Variants in ZDHHC20 observed in about 807,000 individuals in gnomAD.
The protein encoded by ZDHHC20 is zDHHC palmitoyltransferase 20, also known as palmitoyltransferase ZDHHC20.
A neutral mutation model predicts 57.8 loss-of-function variants in ZDHHC20; 43 were observed. That is an observed-to-expected ratio of 0.74 (90% confidence interval 0.58 to 0.96). The LOEUF (loss-of-function observed/expected upper bound fraction) is 0.96, where lower values mean the gene tolerates loss of function less well. Ranked by LOEUF, ZDHHC20 falls within the 40% of genes least tolerant of loss-of-function variation. The probability of loss-of-function intolerance (pLI) is 0.00; values close to 1 mark genes in which losing one functional copy is unlikely to be tolerated. For missense variants in ZDHHC20, 391 were observed against 441.1 expected (o/e 0.89, Z 1.02); for synonymous variants, 157 against 153.0 (o/e 1.03, Z -0.19).
Position 21,437,579 on chromosome 13 carries a change from C to T in ZDHHC20, c.119-11901G>A, listed in dbSNP as rs569872692. ...TAAGTTGAAGCCAATGCTCATTTAC[C>T]GTTCCAAAAACCCTAGGGCTCTGAA... On this transcript the variant is annotated intron_variant, in intron 1 of 12. Coordinates refer to ENST00000400590, the MANE Select transcript of ZDHHC20 (RefSeq NM_001330059.2). Among the ~76,000 whole-genome samples the T allele has an allele frequency of 7.2e-5, 11 of 152,308 alleles. No individual in the cohort carries two copies. The East Asian group carries it at 1.5e-3, about 21-fold the overall frequency.
rs112611044 is a variant in ZDHHC20 at position 21,409,901 on chromosome 13, A to G, written c.370+3751T>C. ...TACTTCTGTCAATCTGTCAAACTCAATCTCGGTCCAGTTTTGTTCCCTTGC... is the reference window on the plus strand; with the variant it reads ...TACTTCTGTCAATCTGTCAAACTCAGTCTCGGTCCAGTTTTGTTCCCTTGC... On this transcript the variant is annotated intron_variant, in intron 4 of 12. Coordinates refer to ENST00000400590, the MANE Select transcript of ZDHHC20 (RefSeq NM_001330059.2). 1.2e-3 allele frequency among the ~76,000 whole-genome samples: 178 copies of G among 152,194 alleles called. 1 individual carries two copies. The highest frequency in any genetic ancestry group is 6.8e-3 in the Middle Eastern group (2 of 294).
intron 7 of ZDHHC20, among the ~76,000 whole-genome samples, chr13:21,398,682 A>G (rs1229666879): frequency 6.6e-6 from 1 of 152,222 alleles, no homozygotes; most frequent in Admixed American, 6.5e-5. Context: ...TTGGAAACTG[A>G]TAAGATTTGT....
intron 1 of ZDHHC20, among the ~76,000 whole-genome samples, chr13:21,443,935 G>A (rs1261323693): frequency 6.6e-6 from 1 of 152,196 alleles, no homozygotes; most frequent in African/African-American, 2.4e-5. Flanking sequence ...GGCCAAGGCA[G>A]GAGGACCACC....
chr13:21,457,241 G>A (rs1246375983), intron 1 of ZDHHC20, among the ~76,000 whole-genome samples: 3 of 152,066 alleles, frequency 2.0e-5, no homozygotes, highest in Non-Finnish European at 4.4e-5. Context: ...GTTAAGCTGT[G>A]GAATCTCAAC....
At chr13:21,419,855 AT>A (rs1880442131) in intron 3 of ZDHHC20, among the ~76,000 whole-genome samples, 1 of 152,244 alleles carries the variant, frequency 6.6e-6, no homozygotes, top group Non-Finnish European at 1.5e-5. Flanking sequence ...GCAAAGTTAA[AT>A]AGAAGTTGAT....
intron 4 of ZDHHC20, chr13:21,404,342 C>T (rs773291854): frequency 4.0e-6 from 2 of 498,182 alleles, no homozygotes; most frequent in Non-Finnish European, 4.0e-6. Flanking sequence ...CTGCATGAGG[C>T]CTAGTTCATA....
In ZDHHC20 at chr13:21,398,738, GAAATGA is replaced by G. The variant is rs1483040903; in HGVS notation, c.594+1629_594+1634del. Among the ~76,000 whole-genome samples, 6 of 152,334 alleles carry G rather than the reference GAAATGA, an allele frequency of 3.9e-5. No homozygotes were observed. The East Asian group carries it at 1.2e-3, about 29-fold the overall frequency. On this transcript the variant is annotated intron_variant, in intron 7 of 12. Coordinates refer to ENST00000400590, the MANE Select transcript of ZDHHC20 (RefSeq NM_001330059.2). ...ATCAGATAAACATAGAAAGAACAGT[GAAATGA>G]AAATGAGGTTGGTTTGAGACGTGCT...
At chr13:21,398,369 C>T in intron 7 of ZDHHC20, among the ~76,000 whole-genome samples, 1 of 151,534 alleles carries the variant, frequency 6.6e-6, no homozygotes, top group East Asian at 1.9e-4. Flanking sequence ...GAGGCTGAGG[C>T]AGCAGAATGG....
intron 1 of ZDHHC20, among the ~76,000 whole-genome samples, chr13:21,444,428 T>A (rs970166085): frequency 2.0e-5 from 3 of 152,142 alleles, no homozygotes; most frequent in African/African-American, 7.2e-5. Flanking sequence ...CTGCAATAAT[T>A]TAAAGGCACT....
At chr13:21,428,369 C>A (rs925580798) in intron 1 of ZDHHC20, among the ~76,000 whole-genome samples, 3 of 151,532 alleles carry the variant, frequency 2.0e-5, no homozygotes, top group Non-Finnish European at 4.4e-5. Flanking sequence ...TACAGGTGCA[C>A]GCCACCATGC....
intron 1 of ZDHHC20, 70 bp downstream of exon 1, chr13:21,458,984 G>A: frequency 2.5e-6 from 3 of 1,195,130 alleles, no homozygotes; most frequent in South Asian, 3.1e-5. Flanking sequence ...GCGGGTGTGG[G>A]GCGCAGAGGC....
At chr13:21,458,824 C>G (rs913751837) in intron 1 of ZDHHC20, among the ~76,000 whole-genome samples, 4 of 152,208 alleles carry the variant, frequency 2.6e-5, no homozygotes, top group African/African-American at 4.8e-5. Context: ...CAGACCTGCA[C>G]CCGGGAAGCC....
At chr13:21,413,824 A>G in intron 3 of ZDHHC20, 52 bp from the exon 4 acceptor site, 1 of 1,485,558 alleles carries the variant, frequency 6.7e-7, no homozygotes, top group Non-Finnish European at 9.1e-7. Context: ...GATGTTAATT[A>G]TCATGCTCAG....
At chr13:21,427,021 A>G (rs2137933896) in intron 1 of ZDHHC20, among the ~76,000 whole-genome samples, 1 of 151,568 alleles carries the variant, frequency 6.6e-6, no homozygotes, top group South Asian at 2.1e-4. Flanking sequence ...TTGTCTATTC[A>G]CCCTTCAAGG....
chr13:21,404,764 A>C (rs1395908671), intron 4 of ZDHHC20, among the ~76,000 whole-genome samples: 1 of 152,086 alleles, frequency 6.6e-6, no homozygotes, highest in Non-Finnish European at 1.5e-5. Context: ...AAAAAAAAAA[A>C]AAAAGCAAGT....
At chr13:21,400,344 CAT>C in intron 7 of ZDHHC20, 27 bp downstream of exon 7, 2 of 1,549,008 alleles carry the variant, frequency 1.3e-6, no homozygotes, top group Admixed American at 4.5e-5. Flanking sequence ...GTCTTAAATA[CAT>C]GTTTCAAGAT....
chr13:21,435,366 T>C (rs945162890), intron 1 of ZDHHC20, among the ~76,000 whole-genome samples: 1 of 152,118 alleles, frequency 6.6e-6, no homozygotes, highest in Admixed American at 6.6e-5. Flanking sequence ...TTGGTCCCTG[T>C]TGAAATGACC....
intron 1 of ZDHHC20, among the ~76,000 whole-genome samples, chr13:21,440,468 A>G (rs185144449): frequency 6.6e-6 from 1 of 152,110 alleles, no homozygotes; most frequent in East Asian, 1.9e-4. Flanking sequence ...AAAATTAGCC[A>G]GGTATGGTGG....
intron 1 of ZDHHC20, among the ~76,000 whole-genome samples, chr13:21,435,814 T>G (rs989441358): frequency 6.6e-6 from 1 of 152,146 alleles, no homozygotes; most frequent in Admixed American, 6.5e-5. Context: ...CAATAAGAAA[T>G]GACTCAGGTT....
Sources: allele counts gnomAD v4.1 joint callset (sites outside exome capture counted in the v4.1 genomes callset), GRCh38; gene constraint gnomAD v4.1.1; transcripts MANE v1.5; gene names NCBI Gene and HGNC (gene_info 2026-07-23, HGNC 2026-07-21).